The following CBFA2T2 variants were observed in gnomAD, a reference collection of about 807,000 sequenced individuals.
CBFA2T2 encodes the protein protein CBFA2T2.
In CBFA2T2, 11 loss-of-function variants were observed where a neutral mutation model predicts 62.2. The observed-to-expected ratio is 0.18, with a 90% CI of 0.11 to 0.29. The LOEUF is 0.29. Among genes scored for constraint, CBFA2T2 ranks in the 10% least tolerant of loss-of-function variants. The pLI is 1.00. For missense variants in CBFA2T2, 592 were observed against 774.1 expected, an observed-to-expected ratio of 0.76 and a Z score of 2.79; for synonymous variants, 295 against 287.5, an observed-to-expected ratio of 1.03 and a Z score of -0.27.
intron 1 of CBFA2T2, among the ~76,000 whole-genome samples, chr20:33,597,494 G>T (rs1311337616): frequency 6.6e-6 from 1 of 152,158 alleles, no homozygotes; most frequent in Non-Finnish European, 1.5e-5. Flanking sequence ...CAAGTGGTGA[G>T]CCAGTGCATT....
chr20:33,558,550 GCAT>G (rs2012983563), intron 1 of CBFA2T2, among the ~76,000 whole-genome samples: 1 of 151,900 alleles, frequency 6.6e-6, no homozygotes, highest in African/African-American at 2.4e-5. Flanking sequence ...TTTGCTAATT[GCAT>G]CATCATCTTG....
intron 1 of CBFA2T2, among the ~76,000 whole-genome samples, chr20:33,571,254 T>A (rs2013553837): frequency 1.3e-5 from 2 of 152,264 alleles, no homozygotes; most frequent in African/African-American, 4.8e-5. Context: ...TAAAAATGTT[T>A]AAGGCTCTTC....
intron 5 of CBFA2T2, chr20:33,623,780 A>G: frequency 1.4e-6 from 1 of 713,892 alleles, no homozygotes; most frequent in South Asian, 1.5e-5. Flanking sequence ...TAGCTGCATA[A>G]TACATCTAAA....
chr20:33,563,274 G>A (rs1013831993), intron 1 of CBFA2T2, among the ~76,000 whole-genome samples: 1 of 152,030 alleles, frequency 6.6e-6, no homozygotes, highest in Non-Finnish European at 1.5e-5. Flanking sequence ...TGTGAGTTTG[G>A]GGTAGTTTTG....
rs116456889 is a variant in CBFA2T2, at chr20:33,530,206, T to C, written c.34+39905T>C. 5.6e-3 allele frequency among the ~76,000 whole-genome samples: 847 copies of C among 152,212 alleles called. 4 individuals carry two copies. Among genetic ancestry groups the C allele is most frequent in the African/African-American group, 0.019 (791 of 41,534 alleles). ...TCTGAAAGTGCTGGGATTACAGGCA[T>C]GAGCTATCACACCCAGCCTCTTTGT... On this transcript the variant is annotated intron_variant, in intron 1 of 10. Transcript: ENST00000342704.
intron 6 of CBFA2T2, among the ~76,000 whole-genome samples, chr20:33,626,559 G>C (rs2016236046): frequency 6.6e-6 from 1 of 152,242 alleles, no homozygotes; most frequent in South Asian, 2.1e-4. Context: ...GTTTTGGACA[G>C]AGCGGTTTGT....
At chr20:33,505,782 C>G (rs569710795) in intron 1 of CBFA2T2, among the ~76,000 whole-genome samples, 1 of 139,232 alleles carries the variant, frequency 7.2e-6, no homozygotes, top group Non-Finnish European at 1.6e-5. Context: ...ACTCTTGTTT[C>G]AAAAAAAAAA....
chr20:33,548,566 G>A (rs983060305), intron 1 of CBFA2T2, among the ~76,000 whole-genome samples: 1 of 152,032 alleles, frequency 6.6e-6, no homozygotes, highest in African/African-American at 2.4e-5. Flanking sequence ...TAGTTGTGTA[G>A]TCTTTGGACT....
At chr20:33,600,265 A>C (rs1350210299) in intron 1 of CBFA2T2, 2 of 130,190 alleles carry the variant, frequency 1.5e-5, no homozygotes, top group Non-Finnish European at 3.0e-5. Flanking sequence ...CATCTCAACT[A>C]ACTGCAACCT....
intron 1 of CBFA2T2, among the ~76,000 whole-genome samples, chr20:33,554,600 CTTTTTTTTT>C (rs752877501): frequency 1.8e-5 from 1 of 56,288 alleles, no homozygotes; most frequent in African/African-American, 7.4e-5. Flanking sequence ...TTTTTCTTTT[CTTTTTTTTT>C]TTTTTTTTTT....
At chr20:33,624,080 T>C (rs534681723) in intron 5 of CBFA2T2, 8 of 527,676 alleles carry the variant, frequency 1.5e-5, no homozygotes, top group Non-Finnish European at 2.6e-5. Context: ...CAATTAATTA[T>C]TAATATTTGC....
In CBFA2T2 at chr20:33,644,648, C is replaced by A; in HGVS notation, c.*2C>A. The A allele has an allele frequency of 2.5e-6, 4 of 1,595,734 alleles. No individual in the cohort carries two copies. The highest frequency in any genetic ancestry group is 2.2e-5 in the East Asian group (1 of 44,574). ...GCTATCGACACCAACGGACTCTGAG[C>A]CCCGGACTCTGCTTACCCTGATGGC... On this transcript the variant is annotated 3_prime_UTR_variant, in exon 11 of 11. Coordinates refer to ENST00000342704, the MANE Select transcript of CBFA2T2 (RefSeq NM_001032999.3).
intron 1 of CBFA2T2, among the ~76,000 whole-genome samples, chr20:33,558,576 TC>T (rs1568818415): frequency 6.6e-6 from 1 of 152,190 alleles, no homozygotes; most frequent in African/African-American, 2.4e-5. Flanking sequence ...ATTAACATGT[TC>T]CTGTGTCCCC....
In CBFA2T2 at chr20:33,642,116, T is replaced by TTTTGTG. The variant is rs1313728159; in HGVS notation, c.1488+1586_1488+1587insTTGTGT. 1.7e-3 allele frequency among the ~76,000 whole-genome samples: 100 copies of TTTTGTG among 59,010 alleles called. 1 individual carries two copies. The highest frequency in any genetic ancestry group is 6.0e-3 in the African/African-American group (87 of 14,564). 38.7% of individuals were successfully genotyped at this position (59,010 alleles called of 152,430 possible). On this transcript the variant is annotated intron_variant, in intron 10 of 10. Transcript: ENST00000342704. The stretch of plus-strand genomic sequence containing the variant: ...TCCTCCTCCTTTGTCTTTTTTTTTT[T>TTTTGTG]TGTGTGTGTGTGTGTGTGTGTGTGT...
intron 4 of CBFA2T2, among the ~76,000 whole-genome samples, chr20:33,622,051 G>A (rs1046682998): frequency 3.3e-5 from 5 of 152,186 alleles, no homozygotes; most frequent in African/African-American, 4.8e-5. Flanking sequence ...CATGTCAGCC[G>A]TGTAAAGATC....
chr20:33,548,146 G>C (rs956363260), intron 1 of CBFA2T2, among the ~76,000 whole-genome samples: 22 of 152,090 alleles, frequency 1.4e-4, no homozygotes, highest in Admixed American at 1.1e-3. Flanking sequence ...AGGATCTCTA[G>C]ATTATTCTGC....
intron 1 of CBFA2T2, among the ~76,000 whole-genome samples, chr20:33,531,120 T>TG (rs2012048596): frequency 6.6e-6 from 1 of 152,264 alleles, no homozygotes; most frequent in East Asian, 1.9e-4. Flanking sequence ...GGCTTCTAGT[T>TG]GCAGTAGGAG....
At chr20:33,636,516 G>T (rs2016637351) in intron 8 of CBFA2T2, 124 bp from the exon 9 acceptor site, 2 of 680,762 alleles carry the variant, frequency 2.9e-6, no homozygotes, top group Non-Finnish European at 5.0e-6. Context: ...CCTTATATGA[G>T]AATTTTTTTA....
At chr20:33,503,256 T>TTCTTTC (rs201825926) in intron 1 of CBFA2T2, among the ~76,000 whole-genome samples, 2 of 83,510 alleles carry the variant, frequency 2.4e-5, no homozygotes, top group African/African-American at 1.1e-4. Flanking sequence ...CTTTCTTTCT[T>TTCTTTC]TTTTTTTTTT....
Sources: allele counts gnomAD v4.1 joint callset (sites outside exome capture counted in the v4.1 genomes callset), GRCh38; gene constraint gnomAD v4.1.1; transcripts MANE v1.5; gene names NCBI Gene and HGNC (gene_info 2026-07-23, HGNC 2026-07-21).